Variants in GNA14 observed in about 807,000 individuals in gnomAD.
The protein encoded by GNA14 is G protein subunit alpha 14, also known as guanine nucleotide-binding protein subunit alpha-14.
In GNA14, 50 loss-of-function variants were observed where a neutral mutation model predicts 42.0. That is an observed-to-expected ratio of 1.19 (90% confidence interval 0.95 to 1.51). GNA14 has a LOEUF of 1.51. GNA14 is among the 40% of genes most tolerant of loss of function. GNA14 has a pLI of 0.00. For synonymous variants in GNA14, 173 were observed against 163.1 expected (o/e 1.06, Z -0.46); for missense variants, 473 against 446.2 (o/e 1.06, Z -0.54).
chr9:77,442,355 G>C (rs1175578536), intron 2 of GNA14, among the ~76,000 whole-genome samples: 2 of 152,220 alleles, frequency 1.3e-5, no homozygotes, highest in African/African-American at 4.8e-5. Context: ...CTGGGCAACA[G>C]AGTGAGACTA....
At chr9:77,428,102 G>A (rs1183755357) in intron 5 of GNA14, among the ~76,000 whole-genome samples, 5 of 128,732 alleles carry the variant, frequency 3.9e-5, no homozygotes, top group African/African-American at 6.2e-5. Context: ...TTTTTGAGAT[G>A]GAGTCTCGCT....
intron 2 of GNA14, among the ~76,000 whole-genome samples, chr9:77,490,485 G>C (rs1459287879): frequency 6.6e-6 from 1 of 152,258 alleles, no homozygotes; most frequent in Non-Finnish European, 1.5e-5. Context: ...TGGAGGCAAG[G>C]GAAGGCTCAG....
Position 77,434,420 on chromosome 9 carries a change from G to A in GNA14, c.412C>T (p.Gln138Ter). 6.2e-7 allele frequency: 1 copy of A among 1,614,082 alleles called. No individual in the cohort carries two copies. The highest frequency in any genetic ancestry group is 8.5e-7 in the Non-Finnish European group (1 of 1,179,962). The change falls in exon 3 of 7, where the codon CAG (glutamine) becomes TAG (stop). Residue 138 changes from glutamine to a stop codon, truncating the protein, a stop_gained. Coordinates refer to ENST00000341700, the MANE Select transcript of GNA14 (RefSeq NM_004297.4). LOFTEE classifies it high-confidence loss of function. The part of the protein sequence containing the change: ...IKQLWQDPGI[Q>*]ECYDRRREYQ... The stretch of plus-strand genomic sequence containing the variant: ...TCCCTCCTCCTGTCGTAACACTCCT[G>A]GATGCCTGGATCTTGCCAGAGCTGC...
chr9:77,525,405 A>G (rs1837417630), intron 2 of GNA14, among the ~76,000 whole-genome samples: 1 of 152,164 alleles, frequency 6.6e-6, no homozygotes, highest in East Asian at 1.9e-4. Context: ...TGTCAGTTTG[A>G]GAAAGTTTAT....
intron 2 of GNA14, among the ~76,000 whole-genome samples, chr9:77,503,299 T>C (rs1837004871): frequency 1.3e-5 from 2 of 152,162 alleles, no homozygotes; most frequent in African/African-American, 4.8e-5. Flanking sequence ...GTAATGCACA[T>C]CAGTCTTTAT....
intron 1 of GNA14, among the ~76,000 whole-genome samples, chr9:77,595,561 C>T (rs1254317792): frequency 6.6e-6 from 1 of 152,116 alleles, no homozygotes; most frequent in African/African-American, 2.4e-5. Flanking sequence ...CCTCAAAGCC[C>T]GTTTTTATCC....
intron 2 of GNA14, among the ~76,000 whole-genome samples, chr9:77,458,761 T>C (rs983512380): frequency 2.0e-5 from 3 of 152,114 alleles, no homozygotes; most frequent in Admixed American, 1.3e-4. Flanking sequence ...CAAAGCAAAT[T>C]TGGCATTAGC....
chr9:77,535,364 G>T (rs867877125), intron 1 of GNA14, among the ~76,000 whole-genome samples: 3 of 152,166 alleles, frequency 2.0e-5, no homozygotes, highest in African/African-American at 4.8e-5. Flanking sequence ...CTAACACGGT[G>T]AAACCCCGTC....
Position 77,423,878 on chromosome 9 carries a change from T to C in GNA14, c.*101A>G, listed in dbSNP as rs987336654. ...CGATCTACATGACATCCTTAGTTCC[T>C]GGCATGGGGCTGGCTCTGGTGATGT... On this transcript the variant is annotated 3_prime_UTR_variant, in exon 7 of 7. Transcript: ENST00000341700. 1 of 712,958 alleles carries C rather than the reference T, an allele frequency of 1.4e-6. No individual in the cohort carries two copies. The highest frequency in any genetic ancestry group is 2.3e-6 in the Non-Finnish European group (1 of 439,704). 44.2% of individuals were successfully genotyped at this position (712,958 alleles called of 1,614,324 possible). A position where few individuals can be genotyped will look rare whatever the true frequency, so the allele number is the denominator to read the frequency against.
intron 2 of GNA14, among the ~76,000 whole-genome samples, chr9:77,524,281 C>A (rs553963338): frequency 6.6e-6 from 1 of 152,068 alleles, no homozygotes; most frequent in Non-Finnish European, 1.5e-5. Context: ...ACTAAATTTC[C>A]GATAAATTTC....
At chr9:77,560,502 GATT>G in intron 1 of GNA14, among the ~76,000 whole-genome samples, 4 of 151,946 alleles carry the variant, frequency 2.6e-5, no homozygotes, top group African/African-American at 9.7e-5. Flanking sequence ...TTTTTGTAGA[GATT>G]GGGTTTTCCC....
chr9:77,452,754 A>G (rs1406020143), intron 2 of GNA14, among the ~76,000 whole-genome samples: 16 of 150,828 alleles, frequency 1.1e-4, no homozygotes, highest in Admixed American at 1.0e-3. Context: ...CTCATCCCCA[A>G]CGTGGAGGTA....
chr9:77,542,043 A>C lies in GNA14; in HGVS notation c.125-12790T>G, dbSNP rs147607850. ...TTGAGATTTTGTGAATTTCTCTTTG[A>C]TTGGGATCTGTTTCTGGAGAATTAT... On this transcript the variant is annotated intron_variant, in intron 1 of 6. Transcript: ENST00000341700. Among the ~76,000 whole-genome samples the C allele has an allele frequency of 7.6e-3, 1,160 of 151,788 alleles. 5 individuals are homozygous for C. The highest frequency in any genetic ancestry group is 0.027 in the Middle Eastern group (8 of 294).
chr9:77,429,932 C>T lies in GNA14; in HGVS notation c.594-896G>A, dbSNP rs979486300. Reference sequence around the variant, plus strand: ...CACCCACCCCTACATCACCACCCCACCACACACACACACCAGTCCCTGAAG... The same window carrying T: ...CACCCACCCCTACATCACCACCCCATCACACACACACACCAGTCCCTGAAG... On this transcript the variant is annotated intron_variant, in intron 4 of 6. Transcript: ENST00000341700. Among the ~76,000 whole-genome samples the T allele has an allele frequency of 2.0e-5, 3 of 151,912 alleles. No individual in the cohort carries two copies. The South Asian group carries it at 6.2e-4, about 32-fold the overall frequency.
At chr9:77,497,035 G>C (rs376192110) in intron 2 of GNA14, among the ~76,000 whole-genome samples, 2 of 152,130 alleles carry the variant, frequency 1.3e-5, no homozygotes, top group African/African-American at 4.8e-5. Flanking sequence ...TCACTGTCTT[G>C]AGAAGGGCAC....
rs376197935 is a variant in GNA14 at position 77,580,349 on chromosome 9, C to T, written c.125-51096G>A. ...CCCGAATAGGTACAATTTACATTGA[C>T]GCGTCATGCCTTAGGTGGGAAGGAC... On this transcript the variant is annotated intron_variant, in intron 1 of 6. Coordinates refer to ENST00000341700, the MANE Select transcript of GNA14 (RefSeq NM_004297.4). The T allele has an allele frequency of 4.3e-4, 146 of 336,738 alleles. 3 individuals are homozygous for T. Among genetic ancestry groups the T allele is most frequent in the East Asian group, 4.0e-3 (55 of 13,862 alleles). 20.9% of individuals were successfully genotyped at this position (336,738 alleles called of 1,614,324 possible).
chr9:77,532,291 C>A (rs928436326), intron 1 of GNA14, among the ~76,000 whole-genome samples: 4 of 152,184 alleles, frequency 2.6e-5, no homozygotes, highest in African/African-American at 9.7e-5. Context: ...GCTTATTTCC[C>A]CCAAGTACAT....
Position 77,428,904 on chromosome 9 carries a change from T to C in GNA14, c.723+3A>G. The stretch of plus-strand genomic sequence containing the variant: ...AGCTACCCAAACTTCCCGCCCAGCA[T>C]ACCTCGTTGTCACACTCAGCCAGGA... On this transcript the variant is annotated splice_donor_region_variant and intron_variant, in intron 5 of 6. Coordinates refer to ENST00000341700, the MANE Select transcript of GNA14 (RefSeq NM_004297.4). 1 of 1,613,212 alleles carries C rather than the reference T, an allele frequency of 6.2e-7. No homozygotes were observed. Among genetic ancestry groups the C allele is most frequent in the East Asian group, 2.2e-5 (1 of 44,842 alleles).
intron 1 of GNA14, among the ~76,000 whole-genome samples, chr9:77,529,983 T>A (rs1391788969): frequency 6.6e-6 from 1 of 152,238 alleles, no homozygotes; most frequent in Non-Finnish European, 1.5e-5. Context: ...ATTAAAATAT[T>A]TGCTAATATT....
Sources: gnomAD v4.1 joint callset for allele counts (sites outside exome capture counted in the v4.1 genomes callset) on GRCh38, gnomAD v4.1.1 for gene constraint, MANE v1.5 for transcripts, NCBI Gene and HGNC (gene_info 2026-07-23, HGNC 2026-07-21) for gene names.